Variants in PBX1 observed in about 807,000 individuals in gnomAD.
PBX1 encodes the protein PBX homeobox 1.
In PBX1, 6 loss-of-function variants were observed where a neutral mutation model predicts 53.4. That is an observed-to-expected ratio of 0.11 (90% CI 0.06 to 0.22). The LOEUF (loss-of-function observed/expected upper bound fraction) is 0.22. PBX1 is among the 10% of genes least tolerant of loss of function. The pLI is 1.00. For synonymous variants in PBX1, 204 were observed against 212.3 expected, an observed-to-expected ratio of 0.96 and a Z score of 0.34; for missense variants, 251 against 551.4, an observed-to-expected ratio of 0.46 and a Z score of 5.46.
At chr1:164,799,599 C>A in intron 3 of PBX1, 100 bp from the exon 4 acceptor site, 1 of 1,039,198 alleles carries the variant, frequency 9.6e-7, no homozygotes, top group Non-Finnish European at 1.4e-6. Context: ...TCTTTATTTG[C>A]ACAAGTCTCT....
chr1:164,747,020 A>C (rs1416291458), intron 2 of PBX1, among the ~76,000 whole-genome samples: 1 of 152,164 alleles, frequency 6.6e-6, no homozygotes, highest in African/African-American at 2.4e-5. Context: ...TTCTCTCCAG[A>C]AATCTTTGAG....
intron 2 of PBX1, among the ~76,000 whole-genome samples, chr1:164,736,711 A>G (rs1490274951): frequency 1.3e-5 from 2 of 152,278 alleles, no homozygotes; most frequent in East Asian, 3.9e-4. Flanking sequence ...GAGGAGAGAG[A>G]TGTAGGAAAG....
At chr1:164,668,064 G>T (rs919234933) in intron 2 of PBX1, among the ~76,000 whole-genome samples, 1 of 152,140 alleles carries the variant, frequency 6.6e-6, no homozygotes, top group Non-Finnish European at 1.5e-5. Context: ...AGTGATTGAT[G>T]TCCATTTCTA....
chr1:164,846,331 C>A (rs1044996291), intron 8 of PBX1, among the ~76,000 whole-genome samples: 2 of 152,156 alleles, frequency 1.3e-5, no homozygotes, highest in African/African-American at 4.8e-5. Flanking sequence ...ATTACAGAGT[C>A]TTTGGGAAGT....
At chr1:164,625,983 G>A (rs1280163412) in intron 2 of PBX1, 8 of 1,041,198 alleles carry the variant, frequency 7.7e-6, no homozygotes, top group Non-Finnish European at 9.3e-6. Flanking sequence ...TTGGTGACTA[G>A]GATACAAAGT....
At chr1:164,784,325 C>A (rs527863897) in intron 2 of PBX1, among the ~76,000 whole-genome samples, 1 of 152,194 alleles carries the variant, frequency 6.6e-6, no homozygotes, top group East Asian at 1.9e-4. Context: ...CCCAGGCAGC[C>A]GGCACCCATC....
intron 2 of PBX1, among the ~76,000 whole-genome samples, chr1:164,665,399 C>T (rs997505045): frequency 2.0e-5 from 3 of 152,148 alleles, no homozygotes; most frequent in Non-Finnish European, 4.4e-5. Context: ...ATCCTCCCAC[C>T]TCAGACCCCA....
intron 2 of PBX1, among the ~76,000 whole-genome samples, chr1:164,719,362 T>C (rs1248402582): frequency 1.3e-5 from 2 of 152,196 alleles, no homozygotes; most frequent in African/African-American, 4.8e-5. Flanking sequence ...ATTCTGAGTA[T>C]AATGAAGTTC....
intron 6 of PBX1, chr1:164,819,165 T>C (rs1045798446): frequency 1.3e-5 from 2 of 152,072 alleles, no homozygotes; most frequent in Non-Finnish European, 2.9e-5. Flanking sequence ...CCCTTATGCT[T>C]AGGTTGAATG....
rs975954610 is a variant in PBX1 at position 164,670,461 on chromosome 1, T to A, written c.265+107150T>A. On this transcript the variant is annotated intron_variant, in intron 2 of 8. Coordinates refer to ENST00000420696, the MANE Select transcript of PBX1 (RefSeq NM_002585.4). ...CTATCCCTCCTTCCTTTCCACCCCG[T>A]GTGACTCCTGTATTTATGGATTTAG... Among the ~76,000 whole-genome samples, 7 of 152,150 alleles carry A rather than the reference T, an allele frequency of 4.6e-5. No homozygotes were observed. The South Asian group carries it at 1.5e-3, about 32-fold the overall frequency.
At chr1:164,702,785 A>G (rs1015026943) in intron 2 of PBX1, among the ~76,000 whole-genome samples, 4 of 152,150 alleles carry the variant, frequency 2.6e-5, no homozygotes, top group Admixed American at 1.3e-4. Flanking sequence ...TTAAGTGTCT[A>G]TAGGATGAGG....
chr1:164,562,987 C>A, intron 1 of PBX1: 2 of 237,832 alleles, frequency 8.4e-6, no homozygotes, highest in Non-Finnish European at 1.6e-5. Flanking sequence ...AAAACCCTTT[C>A]CCTAAATGGG....
intron 2 of PBX1, among the ~76,000 whole-genome samples, chr1:164,609,930 C>G (rs1432824534): frequency 6.6e-6 from 1 of 152,130 alleles, no homozygotes. Context: ...ACAGGAGCCC[C>G]ATGACTGGGG....
intron 2 of PBX1, among the ~76,000 whole-genome samples, chr1:164,745,767 C>T (rs73025082): frequency 0.018 from 2,760 of 152,322 alleles, 92 homozygotes; most frequent in African/African-American, 0.064. Context: ...TGCGATAGGA[C>T]TTTTCCAAGA....
intron 2 of PBX1, among the ~76,000 whole-genome samples, chr1:164,731,944 G>A (rs887262526): frequency 6.6e-6 from 1 of 152,126 alleles, no homozygotes; most frequent in Non-Finnish European, 1.5e-5. Context: ...GTGGGAGAGG[G>A]GTCAGTGCTC....
chr1:164,689,856 C>T (rs959462423), intron 2 of PBX1, among the ~76,000 whole-genome samples: 1 of 152,068 alleles, frequency 6.6e-6, no homozygotes, highest in Non-Finnish European at 1.5e-5. Context: ...CTATCCCTCC[C>T]CCTCCCCTTG....
intron 2 of PBX1, among the ~76,000 whole-genome samples, chr1:164,664,729 G>A (rs1297954410): frequency 6.6e-6 from 1 of 152,214 alleles, no homozygotes; most frequent in African/African-American, 2.4e-5. Context: ...TCACAATCAT[G>A]GCGGAAGGCA....
intron 2 of PBX1, among the ~76,000 whole-genome samples, chr1:164,780,340 C>T (rs1667869641): frequency 6.6e-6 from 1 of 152,198 alleles, no homozygotes; most frequent in African/African-American, 2.4e-5. Context: ...CTAAGTAGCA[C>T]ATTATTTTCG....
chr1:164,620,650 A>C (rs1246436968), intron 2 of PBX1, among the ~76,000 whole-genome samples: 1 of 152,048 alleles, frequency 6.6e-6, no homozygotes, highest in Non-Finnish European at 1.5e-5. Context: ...TTTTGAGAGG[A>C]AAGTCAAAGA....
Sources: allele counts gnomAD v4.1 joint callset (sites outside exome capture counted in the v4.1 genomes callset), GRCh38; gene constraint gnomAD v4.1.1; transcripts MANE v1.5; gene names NCBI Gene and HGNC (gene_info 2026-07-23, HGNC 2026-07-21).